CPQ: variants seen among roughly 807,000 people sequenced by gnomAD.
CPQ encodes Ser-Met dipeptidase.
In CPQ, 37 loss-of-function variants were observed where a neutral mutation model predicts 45.7. That is an observed-to-expected ratio of 0.81 (90% confidence interval 0.62 to 1.07). CPQ has a LOEUF of 1.07. Among genes scored for constraint, CPQ ranks in the 50% least tolerant of loss-of-function variants. The pLI is 0.00. For missense variants in CPQ, 537 were observed against 572.9 expected (o/e 0.94, Z 0.64); for synonymous variants, 186 against 205.8 (o/e 0.90, Z 0.82).
chr8:96,988,124 G>T (rs1809023343), intron 5 of CPQ, among the ~76,000 whole-genome samples: 3 of 152,182 alleles, frequency 2.0e-5, no homozygotes, highest in Non-Finnish European at 2.9e-5. Context: ...CAGTTGTGGG[G>T]TAGTTTTCTT....
chr8:96,874,860 G>A (rs1203444821), intron 3 of CPQ, among the ~76,000 whole-genome samples: 1 of 151,884 alleles, frequency 6.6e-6, no homozygotes, highest in Admixed American at 6.6e-5. Flanking sequence ...ATACCAAGGG[G>A]TAGAATTGCT....
chr8:96,999,555 G>A (rs985343102), intron 5 of CPQ, among the ~76,000 whole-genome samples: 1 of 151,980 alleles, frequency 6.6e-6, no homozygotes, highest in Non-Finnish European at 1.5e-5. Context: ...CCATGTCCCT[G>A]CAAAGAACAT....
At chr8:96,797,124 A>G (rs1269090501) in intron 2 of CPQ, among the ~76,000 whole-genome samples, 2 of 152,246 alleles carry the variant, frequency 1.3e-5, no homozygotes, top group East Asian at 1.9e-4. Context: ...CAGAAAATCT[A>G]GAGATTTTCA....
chr8:96,950,299 T>G (rs965665875), intron 4 of CPQ, among the ~76,000 whole-genome samples: 2 of 152,144 alleles, frequency 1.3e-5, no homozygotes, highest in African/African-American at 4.8e-5. Context: ...TCACAAAACA[T>G]AATATTGTTT....
At chr8:96,938,137 C>A (rs1184339690) in intron 4 of CPQ, among the ~76,000 whole-genome samples, 1 of 152,184 alleles carries the variant, frequency 6.6e-6, no homozygotes, top group Non-Finnish European at 1.5e-5. Context: ...CAACTGATAA[C>A]CTTCTCTTGT....
intron 6 of CPQ, chr8:97,055,755 T>C (rs1810444873): frequency 6.6e-6 from 1 of 152,182 alleles, no homozygotes; most frequent in South Asian, 2.1e-4. Context: ...GCACCTTGAT[T>C]TTAGCCCTGT....
intron 6 of CPQ, among the ~76,000 whole-genome samples, chr8:97,061,388 G>A (rs550494604): frequency 2.6e-5 from 4 of 152,026 alleles, no homozygotes; most frequent in African/African-American, 4.8e-5. Context: ...ATTTAACTAC[G>A]GTCTTTGTAT....
rs551548363 is a variant in CPQ, at chr8:96,893,626, T to C, written c.849+13621T>C. ...GAAGCTGAGATTCAGAGGGACAAAA[T>C]AATTGGACTAAGGTCAGGCACACAC... is the stretch of plus-strand genomic sequence containing the variant. On this transcript the variant is annotated intron_variant, in intron 4 of 7. Transcript: ENST00000220763. 1.6e-4 allele frequency among the ~76,000 whole-genome samples: 24 copies of C among 152,282 alleles called. 1 individual carries two copies. The highest frequency in any genetic ancestry group is 8.5e-4 in the Admixed American group (13 of 15,294).
intron 4 of CPQ, among the ~76,000 whole-genome samples, chr8:96,919,628 C>T (rs933416364): frequency 6.6e-6 from 1 of 152,132 alleles, no homozygotes; most frequent in Non-Finnish European, 1.5e-5. Flanking sequence ...AACTATGCGG[C>T]CCCTGGAAGG....
At chr8:96,876,877 T>A (rs1464165692) in intron 3 of CPQ, among the ~76,000 whole-genome samples, 1 of 152,148 alleles carries the variant, frequency 6.6e-6, no homozygotes, top group Non-Finnish European at 1.5e-5. Flanking sequence ...GGATTTTTGG[T>A]CTGTAGTTTT....
At chr8:97,047,829 C>T (rs551014551) in intron 6 of CPQ, among the ~76,000 whole-genome samples, 16 of 152,240 alleles carry the variant, frequency 1.1e-4, no homozygotes, top group East Asian at 9.6e-4. Flanking sequence ...CAAAAGACTG[C>T]GTTCAGAGCG....
chr8:96,806,365 A>ACAGC (rs1397241407), intron 2 of CPQ, among the ~76,000 whole-genome samples: 4 of 152,182 alleles, frequency 2.6e-5, no homozygotes, highest in Non-Finnish European at 5.9e-5. Flanking sequence ...AGTTGCTCCT[A>ACAGC]CAGCCACTTT....
At chr8:96,706,978 A>T (rs1809537833) in intron 1 of CPQ, among the ~76,000 whole-genome samples, 1 of 152,148 alleles carries the variant, frequency 6.6e-6, no homozygotes, top group African/African-American at 2.4e-5. Context: ...AGTAAAACCC[A>T]GATTGACGTC....
chr8:96,835,064 A>G lies in CPQ; in HGVS notation c.525A>G (p.Gln175=). The change falls in exon 3 of 8, where the codon CAA becomes CAG. Residue 175 remains glutamine (Q), a synonymous_variant. Transcript: ENST00000220763. ...GAGGGAAGATTGTTGTTTATAACCA[A>G]CCTTACATCAACTACTCAAGGACGG... ...EARGKIVVYN[Q]PYINYSRTVQ... 1 of 1,613,518 alleles carries G rather than the reference A, an allele frequency of 6.2e-7. No individual in the cohort carries two copies. The highest frequency in any genetic ancestry group is 8.5e-7 in the Non-Finnish European group (1 of 1,179,720).
chr8:97,129,598 T>C (rs1335142208), intron 7 of CPQ, among the ~76,000 whole-genome samples: 2 of 152,062 alleles, frequency 1.3e-5, no homozygotes, highest in Non-Finnish European at 2.9e-5. Flanking sequence ...GGAATGCTAT[T>C]TCCCAATCTC....
intron 7 of CPQ, among the ~76,000 whole-genome samples, chr8:97,084,285 A>C (rs1375207845): frequency 6.6e-6 from 1 of 152,136 alleles, no homozygotes; most frequent in Non-Finnish European, 1.5e-5. Flanking sequence ...GTTTTATTTC[A>C]AATTTTTTCT....
Position 96,977,093 on chromosome 8 carries a change from T to C in CPQ, c.961+11047T>C, listed in dbSNP as rs1048059361. Among the ~76,000 whole-genome samples, 7 of 152,100 alleles carry C rather than the reference T, an allele frequency of 4.6e-5. No individual in the cohort carries two copies. The South Asian group carries it at 1.2e-3, about 27-fold the overall frequency. On this transcript the variant is annotated intron_variant, in intron 5 of 7. Transcript: ENST00000220763. ...AGAGTGGGAGAAAATCTTTACAATC[T>C]ATACATCTTACAAAGGACTAATATC...
chr8:96,832,359 T>C (rs1348599858), intron 2 of CPQ, among the ~76,000 whole-genome samples: 2 of 152,132 alleles, frequency 1.3e-5, no homozygotes, highest in African/African-American at 2.4e-5. Flanking sequence ...ACTTTAAAGG[T>C]AAAACTGAAC....
chr8:97,139,463 C>T (rs984514333), intron 7 of CPQ, among the ~76,000 whole-genome samples: 1 of 151,960 alleles, frequency 6.6e-6, no homozygotes, highest in Non-Finnish European at 1.5e-5. Context: ...TTCAAATACA[C>T]ATGGAATATT....
Sources: gnomAD v4.1 joint callset for allele counts (sites outside exome capture counted in the v4.1 genomes callset) on GRCh38, gnomAD v4.1.1 for gene constraint, MANE v1.5 for transcripts, NCBI Gene and HGNC (gene_info 2026-07-23, HGNC 2026-07-21) for gene names.